Variants in TUBGCP4 observed in about 807,000 individuals in gnomAD.
TUBGCP4 encodes tubulin gamma complex component 4, also known as gamma-tubulin complex component 4.
TUBGCP4 carries 54 observed loss-of-function variants against 91.6 expected under a neutral mutation model. The ratio of observed to expected loss-of-function variants is 0.59; its 90% CI spans 0.47 to 0.74. The LOEUF is 0.74. Ranked by LOEUF, TUBGCP4 falls within the 30% of genes least tolerant of loss-of-function variation. The probability of loss-of-function intolerance (pLI) is 0.00; values close to 1 mark genes in which losing one functional copy is unlikely to be tolerated. For synonymous variants in TUBGCP4, 297 were observed against 302.8 expected (o/e 0.98, Z 0.20); for missense variants, 593 against 800.9 (o/e 0.74, Z 3.13).
rs1461229149 is a variant in TUBGCP4 at position 43,383,460 on chromosome 15, A to C, written c.679A>C (p.Ile227Leu). The C allele has an allele frequency of 1.9e-6, 3 of 1,613,582 alleles. No individual in the cohort carries two copies. The East Asian group carries it at 6.7e-5, about 36-fold the overall frequency. ...QPEEDEEDLG[I>L]GGLTGKQLRE... Reference sequence around the variant, plus strand: ...AGAAGAGGACGAGGAGGATCTGGGCATTGGGGGACTGACAGGAAAACAACT... The same window carrying C: ...AGAAGAGGACGAGGAGGATCTGGGCCTTGGGGGACTGACAGGAAAACAACT... The change falls in exon 7 of 18, where the codon ATT becomes CTT. Residue 227 changes from isoleucine (I) to leucine (L), a missense_variant. By Grantham distance (5) the Ile-to-Leu change is conservative. Coordinates refer to ENST00000564079, the MANE Select transcript of TUBGCP4 (RefSeq NM_014444.5).
chr15:43,393,365 A>G (rs1217054929), intron 9 of TUBGCP4, among the ~76,000 whole-genome samples: 2 of 150,914 alleles, frequency 1.3e-5, no homozygotes, highest in Non-Finnish European at 3.0e-5. Context: ...ACCCGCCACC[A>G]CGCCCAGCCA....
At chr15:43,380,880 C>G (rs1369107885) in intron 6 of TUBGCP4, among the ~76,000 whole-genome samples, 1 of 152,096 alleles carries the variant, frequency 6.6e-6, no homozygotes, top group African/African-American at 2.4e-5. Context: ...ATCCATTTTC[C>G]TTATTTTAAA....
intron 12 of TUBGCP4, 37 bp downstream of exon 12, chr15:43,397,358 T>C: frequency 6.8e-7 from 1 of 1,466,914 alleles, no homozygotes. Context: ...GAGTTCCTGC[T>C]GGTCATCATC....
At chr15:43,403,374 C>A (rs1051816100) in intron 15 of TUBGCP4, 10 of 215,912 alleles carry the variant, frequency 4.6e-5, no homozygotes, top group African/African-American at 2.3e-4. Context: ...AAGGGAACAA[C>A]ACTCACAGCT....
At position 43,392,120 on chromosome 15, in the gene TUBGCP4, A is replaced by ACG. The variant is rs1555395402; in HGVS notation, c.1015-2987_1015-2986insCG. Among the ~76,000 whole-genome samples, 63 of 146,196 alleles carry ACG rather than the reference A, an allele frequency of 4.3e-4. No individual in the cohort carries two copies. In the East Asian group the frequency reaches 5.8e-3, roughly 14 times the overall value. ...CACACACACACACACACACACACAC[A>ACG]TATTTTTTTTTGTTTGAATTCTGTG... On this transcript the variant is annotated intron_variant, in intron 9 of 17. Coordinates refer to ENST00000564079, the MANE Select transcript of TUBGCP4 (RefSeq NM_014444.5).
In TUBGCP4 at chr15:43,400,140, G is replaced by A. The variant is rs2044647371; in HGVS notation, c.1515G>A (p.Lys505=). The change falls in exon 14 of 18, where the codon AAG becomes AAA. Residue 505 remains lysine, a synonymous_variant. Transcript: ENST00000564079. Reference sequence around the variant, plus strand: ...TACAAATGCAGCGCAAGCACCTCAAGTCGAACCAGACTGATGCAATCAAGT... The same window carrying A: ...TACAAATGCAGCGCAAGCACCTCAAATCGAACCAGACTGATGCAATCAAGT... The part of the protein sequence containing the change: ...WALQMQRKHL[K]SNQTDAIKWR... 6.2e-7 allele frequency: 1 copy of A among 1,614,126 alleles called. No homozygotes were observed. Among genetic ancestry groups the A allele is most frequent in the Non-Finnish European group, 8.5e-7 (1 of 1,180,052 alleles).
chr15:43,398,384 A>T (rs1595497204), intron 13 of TUBGCP4: 2 of 156,522 alleles, frequency 1.3e-5, no homozygotes, highest in African/African-American at 1.8e-4. Flanking sequence ...CCATCTCATA[A>T]AAAAAAAAAA....
chr15:43,386,400 T>TTTTTTTTTTTTTTTTTTTTTTTTC (rs1330936603), intron 9 of TUBGCP4, 70 bp downstream of exon 9: 1 of 148,072 alleles, frequency 6.8e-6, no homozygotes, highest in African/African-American at 3.2e-5. Flanking sequence ...TTTTTTTTTT[T>TTTTTTTTTTTTTTTTTTTTTTTTC]CTTAGGCAAA....
rs1350486449 is a variant in TUBGCP4 at position 43,407,309 on chromosome 15, A to AAGAC, written c.*2097_*2100dup. ...CCATGCAAGGAATCCAGTTACACAC[A>AAGAC]AGACACATTTAAAACCTGGTTAAAA... is the stretch of plus-strand genomic sequence containing the variant. On this transcript the variant is annotated 3_prime_UTR_variant, in exon 18 of 18. Coordinates refer to ENST00000564079, the MANE Select transcript of TUBGCP4 (RefSeq NM_014444.5). 10 of 1,326,724 alleles carry AAGAC rather than the reference A, an allele frequency of 7.5e-6. No homozygotes were observed. Among genetic ancestry groups the AAGAC allele is most frequent in the Middle Eastern group, 1.9e-4 (1 of 5,386 alleles). The allele number at this position is 1,326,724 out of a possible 1,614,324, so 82.2% of individuals were successfully genotyped here.
chr15:43,409,722 A>G lies in TUBGCP4; in HGVS notation c.*4508A>G. The G allele has an allele frequency of 6.4e-7, 1 of 1,552,386 alleles. No homozygotes were observed. Among genetic ancestry groups the G allele is most frequent in the Non-Finnish European group, 8.7e-7 (1 of 1,150,742 alleles). On this transcript the variant is annotated 3_prime_UTR_variant, in exon 18 of 18. Coordinates refer to ENST00000564079, the MANE Select transcript of TUBGCP4 (RefSeq NM_014444.5). ...GGGATTCTGTATACTGCTTGTTGAA[A>G]GGAGGAATTTCCAAAAATTCTATAT...
At chr15:43,399,042 C>A in intron 13 of TUBGCP4, 1 of 800,654 alleles carries the variant, frequency 1.2e-6, no homozygotes, top group East Asian at 6.7e-5. Flanking sequence ...TAAAAATTAT[C>A]TTTATGTTTG....
intron 5 of TUBGCP4, among the ~76,000 whole-genome samples, chr15:43,379,560 G>A (rs561030461): frequency 6.7e-6 from 1 of 149,190 alleles, no homozygotes; most frequent in East Asian, 2.0e-4. Flanking sequence ...AGAATGGTGT[G>A]AACCCAGGAG....
intron 13 of TUBGCP4, 81 bp downstream of exon 13, chr15:43,398,260 G>A (rs2044614441): frequency 6.6e-7 from 1 of 1,503,934 alleles, no homozygotes; most frequent in Non-Finnish European, 9.1e-7. Flanking sequence ...CAGAATTAGT[G>A]GGAAAGCAAG....
chr15:43,388,502 G>A (rs187725987), intron 9 of TUBGCP4, among the ~76,000 whole-genome samples: 4 of 152,238 alleles, frequency 2.6e-5, no homozygotes, highest in Non-Finnish European at 4.4e-5. Context: ...CTTCAACCCC[G>A]TCTATAGGCC....
At chr15:43,402,086 C>A in intron 15 of TUBGCP4, 1 of 352,702 alleles carries the variant, frequency 2.8e-6, no homozygotes, top group Non-Finnish European at 5.2e-6. Flanking sequence ...GCCTGGCCAA[C>A]ATGGTGAAAA....
Position 43,400,022 on chromosome 15 carries a change from T to C in TUBGCP4, c.1419-22T>C, listed in dbSNP as rs367592223. 6.9e-6 allele frequency: 11 copies of C among 1,588,502 alleles called. No individual in the cohort carries two copies. In the Middle Eastern group the frequency reaches 5.0e-4, roughly 72 times the overall value. On this transcript the variant is annotated intron_variant, in intron 13 of 17. Coordinates refer to ENST00000564079, the MANE Select transcript of TUBGCP4 (RefSeq NM_014444.5). ...CAGGGGATGAAATTTTTGTCTTGAATATCCTGTTATTTCTGTCCTAGGTAC... is the reference window on the plus strand; with the variant it reads ...CAGGGGATGAAATTTTTGTCTTGAACATCCTGTTATTTCTGTCCTAGGTAC...
At chr15:43,382,071 G>A (rs1240285919) in intron 6 of TUBGCP4, among the ~76,000 whole-genome samples, 2 of 152,002 alleles carry the variant, frequency 1.3e-5, no homozygotes, top group Non-Finnish European at 2.9e-5. Context: ...AAAAAAAGTA[G>A]GCATGCTGTG....
chr15:43,395,682 G>A lies in TUBGCP4; in HGVS notation c.1165G>A (p.Glu389Lys), dbSNP rs1193793197. ...GAAAACACCACCCACTGCAGTAACTGAGCATGGTAATTGTCAGTGGCCCTG... is the reference window on the plus strand; with the variant it reads ...GAAAACACCACCCACTGCAGTAACTAAGCATGGTAATTGTCAGTGGCCCTG... ...MLKTPPTAVT[E>K]HDVNVAFQQS... The change falls in exon 11 of 18, where the codon GAG (glutamate) becomes AAG (lysine). Residue 389 changes from glutamate to lysine, a missense_variant. Glu to Lys is a moderately conservative substitution (Grantham distance 56). Transcript: ENST00000564079. 8 of 1,613,218 alleles carry A rather than the reference G, an allele frequency of 5.0e-6. No individual in the cohort carries two copies. Among genetic ancestry groups the A allele is most frequent in the Non-Finnish European group, 6.8e-6 (8 of 1,179,200 alleles).
rs1330936603 is a variant in TUBGCP4, at chr15:43,386,400, T to TTTTTTTC, written c.1014+70_1014+71insTTTTTTC. 2 of 148,042 alleles carry TTTTTTTC rather than the reference T, an allele frequency of 1.4e-5. 1 individual carries two copies. Among genetic ancestry groups the TTTTTTTC allele is most frequent in the African/African-American group, 6.3e-5 (2 of 31,524 alleles). 9.2% of individuals were successfully genotyped at this position (148,042 alleles called of 1,614,324 possible). ...ATATTTTTTTTTTTTTTTTTTTTTT[T>TTTTTTTC]CTTAGGCAAAATTGGACTAGTTTCC... On this transcript the variant is annotated intron_variant, in intron 9 of 17. Coordinates refer to ENST00000564079, the MANE Select transcript of TUBGCP4 (RefSeq NM_014444.5).
Sources: allele counts gnomAD v4.1 joint callset (sites outside exome capture counted in the v4.1 genomes callset), GRCh38; gene constraint gnomAD v4.1.1; transcripts MANE v1.5; gene names NCBI Gene and HGNC (gene_info 2026-07-23, HGNC 2026-07-21).